Variants in TNFRSF9 observed in about 807,000 individuals in gnomAD.
TNFRSF9 encodes tumor necrosis factor receptor superfamily member 9.
TNFRSF9 carries 16 observed loss-of-function variants against 28.8 expected under a neutral mutation model. The observed-to-expected ratio is 0.55, with a 90% CI of 0.38 to 0.84. TNFRSF9 has a LOEUF of 0.84. Ranked by LOEUF, TNFRSF9 falls within the 40% of genes least tolerant of loss-of-function variation. The pLI, the probability that TNFRSF9 is intolerant of heterozygous loss-of-function variation, is 0.00. For missense variants in TNFRSF9, 303 were observed against 315.0 expected (o/e 0.96, Z 0.29); for synonymous variants, 131 against 117.0 (o/e 1.12, Z -0.77).
chr1:7,932,034 G>T (rs950414658), intron 7 of TNFRSF9, among the ~76,000 whole-genome samples: 5 of 152,148 alleles, frequency 3.3e-5, no homozygotes, highest in African/African-American at 1.2e-4. Context: ...TGCCTCGGGA[G>T]CCTGAGGCAG....
At chr1:7,940,173 C>T (rs1639881820) in intron 1 of TNFRSF9, 95 bp from the exon 2 acceptor site, 3 of 448,734 alleles carry the variant, frequency 6.7e-6, no homozygotes, top group South Asian at 4.7e-5. Flanking sequence ...AAGAGGATAA[C>T]TCAGGGTTTT....
rs373663685 is a variant in TNFRSF9 at position 7,937,686 on chromosome 1, G to T, written c.413+4C>A. ...TTCCATAAACTAAAGGAAATTATAC[G>T]TACTTTGTCCAGGGTCGACAGATGC... is the stretch of plus-strand genomic sequence containing the variant. On this transcript the variant is annotated splice_donor_region_variant and intron_variant, in intron 5 of 7. Transcript: ENST00000377507. 1 of 1,610,854 alleles carries T rather than the reference G, an allele frequency of 6.2e-7. No homozygotes were observed. The highest frequency in any genetic ancestry group is 8.5e-7 in the Non-Finnish European group (1 of 1,177,404).
At chr1:7,931,889 A>G (rs1639735835) in intron 7 of TNFRSF9, among the ~76,000 whole-genome samples, 1 of 152,252 alleles carries the variant, frequency 6.6e-6, no homozygotes, top group African/African-American at 2.4e-5. Flanking sequence ...CACGCCTGTA[A>G]TCCCAACACT....
chr1:7,929,146 T>A (rs935533030), intron 7 of TNFRSF9, among the ~76,000 whole-genome samples: 8 of 131,608 alleles, frequency 6.1e-5, no homozygotes, highest in Non-Finnish European at 9.1e-5. Flanking sequence ...GTTTTTCTTT[T>A]TTTTCTTTTT....
intron 7 of TNFRSF9, among the ~76,000 whole-genome samples, chr1:7,928,046 G>A (rs989588490): frequency 2.0e-5 from 3 of 152,120 alleles, no homozygotes; most frequent in Non-Finnish European, 4.4e-5. Context: ...TATAAAGATG[G>A]AAAATAAGCA....
In TNFRSF9 at chr1:7,924,250, G is replaced by A. The variant is rs1031799881; in HGVS notation, c.680-3327C>T. Among the ~76,000 whole-genome samples the A allele has an allele frequency of 8.2e-5, 12 of 145,980 alleles. No homozygotes were observed. In the Admixed American group the frequency reaches 8.3e-4, roughly 10 times the overall value. On this transcript the variant is annotated intron_variant, in intron 7 of 7. Coordinates refer to ENST00000377507, the MANE Select transcript of TNFRSF9 (RefSeq NM_001561.6). ...TAAATGACTATGTTAGTAGTTTATG[G>A]ACTTACTATACCATACTTTTTATAG...
At chr1:7,938,595 G>T in intron 3 of TNFRSF9, 126 bp downstream of exon 3, 1 of 870,146 alleles carries the variant, frequency 1.1e-6, no homozygotes, top group Non-Finnish European at 1.7e-6. Context: ...TCCTAGACCT[G>T]CTGGTTGGCA....
At position 7,919,138 on chromosome 1, in the gene TNFRSF9, C is replaced by G. The variant is rs760313902; in HGVS notation, c.*1697G>C. ...TGGCCAATGTTCCAAATAGAAGCTG[C>G]TCCCTCCACCTAAATCCCAGAGTAA... On this transcript the variant is annotated 3_prime_UTR_variant, in exon 8 of 8. Transcript: ENST00000377507. 1 of 152,182 alleles carries G rather than the reference C, an allele frequency of 6.6e-6. No individual in the cohort carries two copies. The highest frequency in any genetic ancestry group is 1.5e-5 in the Non-Finnish European group (1 of 68,050). The allele number at this position is 152,182 out of a possible 1,614,324, so 9.4% of individuals were successfully genotyped here.
At chr1:7,933,610 G>T (rs1243322839) in intron 6 of TNFRSF9, among the ~76,000 whole-genome samples, 2 of 152,062 alleles carry the variant, frequency 1.3e-5, no homozygotes, top group Admixed American at 1.3e-4. Flanking sequence ...CAGGAGAATG[G>T]CTTGAACCCG....
intron 7 of TNFRSF9, among the ~76,000 whole-genome samples, chr1:7,921,370 A>C (rs1009667335): frequency 6.8e-6 from 1 of 147,332 alleles, no homozygotes; most frequent in Non-Finnish European, 1.5e-5. Context: ...AAACAAAACA[A>C]AACAAAACAA....
chr1:7,937,602 C>A, intron 5 of TNFRSF9, 88 bp downstream of exon 5: 1 of 1,086,608 alleles, frequency 9.2e-7, no homozygotes, highest in Middle Eastern at 2.0e-4. Context: ...TTGATGGGTG[C>A]AAAAAAGCTT....
At chr1:7,938,432 A>T (rs182997426) in intron 3 of TNFRSF9, 102 bp from the exon 4 acceptor site, 1 of 1,249,270 alleles carries the variant, frequency 8.0e-7, no homozygotes, top group Non-Finnish European at 1.1e-6. Flanking sequence ...CTCTACTTAT[A>T]GTGTTCCCAG....
rs2151407492 is a variant in TNFRSF9 at position 7,916,266 on chromosome 1, A to G, written c.*4569T>C. 6.6e-6 allele frequency: 1 copy of G among 152,366 alleles called. No individual in the cohort carries two copies. The highest frequency in any genetic ancestry group is 2.1e-4 in the South Asian group (1 of 4,832). The allele number at this position is 152,366 out of a possible 1,614,324, so 9.4% of individuals were successfully genotyped here. A position where few individuals can be genotyped will look rare whatever the true frequency, so the allele number is the denominator to read the frequency against. The stretch of plus-strand genomic sequence containing the variant: ...ACATTTATTTCTATTAAACCTAATT[A>G]TGGAACTTTCTAAATTAAACCCAGA... On this transcript the variant is annotated 3_prime_UTR_variant, in exon 8 of 8. Transcript: ENST00000377507.
At chr1:7,932,408 C>T (rs1639744552) in intron 7 of TNFRSF9, among the ~76,000 whole-genome samples, 1 of 152,190 alleles carries the variant, frequency 6.6e-6, no homozygotes, top group African/African-American at 2.4e-5. Context: ...GACTCAGTGC[C>T]AGGCACTTGC....
chr1:7,937,891 C>T (rs373098922), intron 4 of TNFRSF9, 135 bp from the exon 5 acceptor site: 21 of 753,802 alleles, frequency 2.8e-5, no homozygotes, highest in Middle Eastern at 7.0e-4. Flanking sequence ...TGAAACAACA[C>T]CCTAAGATGG....
chr1:7,930,226 C>A (rs558626384), intron 7 of TNFRSF9, among the ~76,000 whole-genome samples: 1 of 151,984 alleles, frequency 6.6e-6, no homozygotes, highest in Non-Finnish European at 1.5e-5. Flanking sequence ...CCTCAGCCCC[C>A]CAGAATGCTA....
rs1301615864 is a variant in TNFRSF9, at chr1:7,918,154, T to C, written c.*2681A>G. 1 of 151,768 alleles carries C rather than the reference T, an allele frequency of 6.6e-6. No individual in the cohort carries two copies. The highest frequency in any genetic ancestry group is 1.5e-5 in the Non-Finnish European group (1 of 67,964). 9.4% of individuals were successfully genotyped at this position (151,768 alleles called of 1,614,324 possible). ...ACCCGCCACCATACCCAGCTAAGTTTTGTACATGTTTAGTAGAGATGGGGT... is the reference window on the plus strand; with the variant it reads ...ACCCGCCACCATACCCAGCTAAGTTCTGTACATGTTTAGTAGAGATGGGGT... On this transcript the variant is annotated 3_prime_UTR_variant, in exon 8 of 8. Coordinates refer to ENST00000377507, the MANE Select transcript of TNFRSF9 (RefSeq NM_001561.6).
intron 7 of TNFRSF9, among the ~76,000 whole-genome samples, chr1:7,923,589 A>C (rs1392021446): frequency 6.6e-6 from 1 of 152,228 alleles, no homozygotes; most frequent in African/African-American, 2.4e-5. Context: ...CTGTAATCCC[A>C]ATACTATGGG....
chr1:7,924,951 C>T (rs1413438285), intron 7 of TNFRSF9, among the ~76,000 whole-genome samples: 1 of 152,062 alleles, frequency 6.6e-6, no homozygotes, highest in African/African-American at 2.4e-5. Context: ...TTTTGTACAG[C>T]TGTACAATGT....
Sources: gnomAD v4.1 joint callset for allele counts (sites outside exome capture counted in the v4.1 genomes callset) on GRCh38, gnomAD v4.1.1 for gene constraint, MANE v1.5 for transcripts, NCBI Gene and HGNC (gene_info 2026-07-23, HGNC 2026-07-21) for gene names.